MCC: variants seen among roughly 807,000 people sequenced by gnomAD.
The protein encoded by MCC is colorectal mutant cancer protein.
In MCC, 90 loss-of-function variants were observed where a neutral mutation model predicts 116.2. The ratio of observed to expected loss-of-function variants is 0.77; its 90% CI spans 0.65 to 0.92. The LOEUF is 0.92. MCC is among the 40% of genes least tolerant of loss of function. The pLI is 0.00. For missense variants in MCC, 1,516 were observed against 1,312.2 expected, an observed-to-expected ratio of 1.16 and a Z score of -2.40; for synonymous variants, 578 against 510.5, an observed-to-expected ratio of 1.13 and a Z score of -1.78.
At chr5:113,100,823 G>A (rs1756360814) in intron 8 of MCC, among the ~76,000 whole-genome samples, 1 of 152,102 alleles carries the variant, frequency 6.6e-6, no homozygotes, top group Non-Finnish European at 1.5e-5. Flanking sequence ...TTAGCAGTCA[G>A]AGCACAACTA....
At chr5:113,354,795 T>C (rs1242132959) in intron 2 of MCC, among the ~76,000 whole-genome samples, 1 of 144,586 alleles carries the variant, frequency 6.9e-6, no homozygotes, top group Admixed American at 6.7e-5. Flanking sequence ...TTATTATTAT[T>C]ATTATTATTA....
At chr5:113,044,242 AGAG>A (rs1168749628) in intron 16 of MCC, among the ~76,000 whole-genome samples, 4 of 152,248 alleles carry the variant, frequency 2.6e-5, no homozygotes, top group African/African-American at 7.2e-5. Flanking sequence ...AAAACCCAGC[AGAG>A]GAGGAGGAAA....
intron 12 of MCC, 60 bp from the exon 13 acceptor site, chr5:113,068,243 G>A (rs1179111099): frequency 5.9e-6 from 8 of 1,357,470 alleles, no homozygotes; most frequent in Non-Finnish European, 7.3e-6. Context: ...CTTCAATGTG[G>A]CGCCGGTTTC....
At chr5:113,478,904 C>G (rs1772302786) in intron 1 of MCC, among the ~76,000 whole-genome samples, 1 of 152,184 alleles carries the variant, frequency 6.6e-6, no homozygotes. Context: ...TCTCGCATAG[C>G]TACTGTGAGC....
chr5:113,234,178 T>C (rs1445614689), intron 3 of MCC, among the ~76,000 whole-genome samples: 1 of 152,316 alleles, frequency 6.6e-6, no homozygotes. Flanking sequence ...AATCATTACT[T>C]TGATGATAAA....
At chr5:113,032,329 A>T (rs1260557025) in intron 17 of MCC, among the ~76,000 whole-genome samples, 1 of 150,704 alleles carries the variant, frequency 6.6e-6, no homozygotes, top group Non-Finnish European at 1.5e-5. Context: ...AATCGCTTGA[A>T]CCTGGGAGGT....
chr5:113,091,966 T>A (rs1755677751), intron 8 of MCC, among the ~76,000 whole-genome samples: 1 of 152,120 alleles, frequency 6.6e-6, no homozygotes, highest in Non-Finnish European at 1.5e-5. Flanking sequence ...GTTCTGTGGG[T>A]CTGTGGGTGT....
chr5:113,361,139 T>C (rs1391814394), intron 2 of MCC, among the ~76,000 whole-genome samples: 1 of 152,214 alleles, frequency 6.6e-6, no homozygotes, highest in South Asian at 2.1e-4. Flanking sequence ...GTAAAACTCT[T>C]CTACTCAGCA....
intron 11 of MCC, among the ~76,000 whole-genome samples, chr5:113,080,888 T>A (rs562281610): frequency 3.3e-5 from 5 of 152,162 alleles, no homozygotes; most frequent in African/African-American, 1.2e-4. Flanking sequence ...TTTATTTCCT[T>A]CTTGGATCTT....
chr5:113,232,701 A>G (rs1013255433), intron 3 of MCC, among the ~76,000 whole-genome samples: 1 of 152,222 alleles, frequency 6.6e-6, no homozygotes, highest in Non-Finnish European at 1.5e-5. Flanking sequence ...ACAAGAATAC[A>G]GAATTGCAAA....
intron 6 of MCC, among the ~76,000 whole-genome samples, chr5:113,116,412 T>G (rs984472463): frequency 6.6e-6 from 1 of 152,232 alleles, no homozygotes; most frequent in Admixed American, 6.5e-5. Flanking sequence ...CACTCCTTTA[T>G]TATAATGCTG....
chr5:113,143,490 G>T (rs1759312477), intron 4 of MCC, 130 bp from the exon 5 acceptor site: 2 of 941,924 alleles, frequency 2.1e-6, no homozygotes, highest in Admixed American at 2.7e-5. Flanking sequence ...ATGTATGTCA[G>T]CTCATCGGCT....
At chr5:113,038,045 G>C (rs1449022226) in intron 17 of MCC, among the ~76,000 whole-genome samples, 4 of 152,160 alleles carry the variant, frequency 2.6e-5, no homozygotes, top group African/African-American at 9.7e-5. Flanking sequence ...CTACTCTCTG[G>C]GTTCTGAGGG....
At chr5:113,112,666 A>G (rs570619502) in intron 6 of MCC, among the ~76,000 whole-genome samples, 1 of 152,296 alleles carries the variant, frequency 6.6e-6, no homozygotes, top group South Asian at 2.1e-4. Context: ...GCCCTTTGGC[A>G]CTCAGCCCTA....
intron 11 of MCC, among the ~76,000 whole-genome samples, chr5:113,074,868 C>T (rs1297364114): frequency 2.6e-5 from 4 of 152,192 alleles, no homozygotes; most frequent in African/African-American, 9.7e-5. Context: ...AACAAAGCCT[C>T]CAAGAAATAA....
intron 3 of MCC, among the ~76,000 whole-genome samples, chr5:113,316,680 T>A (rs943450802): frequency 7.2e-5 from 11 of 152,156 alleles, no homozygotes; most frequent in African/African-American, 2.7e-4. Flanking sequence ...ATAAACACAA[T>A]GCGTAATTCT....
chr5:113,364,869 G>A (rs1230090433), intron 2 of MCC, among the ~76,000 whole-genome samples: 2 of 152,212 alleles, frequency 1.3e-5, no homozygotes, highest in African/African-American at 2.4e-5. Context: ...GTCTGGAGCT[G>A]GAGTAGTTTG....
intron 3 of MCC, among the ~76,000 whole-genome samples, chr5:113,189,161 C>A (rs549652433): frequency 1.3e-5 from 2 of 152,296 alleles, no homozygotes; most frequent in Non-Finnish European, 2.9e-5. Context: ...AATGGGTGCA[C>A]TGAGCCCAGT....
chr5:113,367,771 G>T (rs1768738365), intron 2 of MCC, among the ~76,000 whole-genome samples: 1 of 152,022 alleles, frequency 6.6e-6, no homozygotes, highest in Non-Finnish European at 1.5e-5. Flanking sequence ...CTGGCTGAGG[G>T]GTAGGGCATA....
Sources: allele counts gnomAD v4.1 joint callset (sites outside exome capture counted in the v4.1 genomes callset), GRCh38; gene constraint gnomAD v4.1.1; transcripts MANE v1.5; gene names NCBI Gene and HGNC (gene_info 2026-07-23, HGNC 2026-07-21).